NFAT5: variants seen among roughly 807,000 people sequenced by gnomAD.
NFAT5 encodes nuclear factor of activated T-cells 5.
A neutral mutation model predicts 166.5 loss-of-function variants in NFAT5; 31 were observed. That is an observed-to-expected ratio of 0.19 (90% CI 0.14 to 0.25). NFAT5 has a LOEUF of 0.25. Among genes scored for constraint, NFAT5 ranks in the 10% least tolerant of loss-of-function variants. The probability of loss-of-function intolerance (pLI) is 1.00; values close to 1 mark genes in which losing one functional copy is unlikely to be tolerated. For missense variants in NFAT5, 1,449 were observed against 1,821.8 expected, an observed-to-expected ratio of 0.80 and a Z score of 3.72; for synonymous variants, 612 against 639.7, an observed-to-expected ratio of 0.96 and a Z score of 0.65.
intron 2 of NFAT5, among the ~76,000 whole-genome samples, chr16:69,611,896 AT>A (rs2033719775): frequency 2.6e-5 from 4 of 152,164 alleles, no homozygotes; most frequent in Admixed American, 2.6e-4. Context: ...ATAAAGACAT[AT>A]TTTTGTCTGT....
At chr16:69,613,299 G>A (rs1432199077) in intron 2 of NFAT5, among the ~76,000 whole-genome samples, 2 of 152,064 alleles carry the variant, frequency 1.3e-5, no homozygotes, top group East Asian at 1.9e-4. Context: ...CTTACTCATC[G>A]CCATCTCTAG....
At chr16:69,623,628 C>T (rs556233131) in intron 2 of NFAT5, among the ~76,000 whole-genome samples, 2 of 151,918 alleles carry the variant, frequency 1.3e-5, no homozygotes, top group Admixed American at 6.6e-5. Context: ...CTGCCTCAGC[C>T]TCCCAAGTAG....
chr16:69,630,739 T>C (rs1001050157), intron 3 of NFAT5, among the ~76,000 whole-genome samples: 1 of 152,164 alleles, frequency 6.6e-6, no homozygotes, highest in African/African-American at 2.4e-5. Flanking sequence ...GATAATCCTA[T>C]AGTATAGTTA....
chr16:69,656,627 T>A (rs1020057574), intron 6 of NFAT5, among the ~76,000 whole-genome samples: 1 of 152,002 alleles, frequency 6.6e-6, no homozygotes, highest in African/African-American at 2.4e-5. Flanking sequence ...TAATTTTGTA[T>A]TTTTAGTAGA....
intron 7 of NFAT5, among the ~76,000 whole-genome samples, chr16:69,669,235 A>G (rs2036527914): frequency 6.6e-6 from 1 of 152,090 alleles, no homozygotes; most frequent in Non-Finnish European, 1.5e-5. Flanking sequence ...GCACTCAAAA[A>G]GTTTTGGATT....
chr16:69,688,309 A>AAATG (rs898237727), intron 11 of NFAT5, among the ~76,000 whole-genome samples: 164 of 151,762 alleles, frequency 1.1e-3, no homozygotes, highest in Non-Finnish European at 1.5e-3. Flanking sequence ...ATGAGTGAGT[A>AAATG]AATGAATGAA....
chr16:69,632,759 A>G (rs1473774979), intron 3 of NFAT5, among the ~76,000 whole-genome samples: 1 of 152,208 alleles, frequency 6.6e-6, no homozygotes, highest in African/African-American at 2.4e-5. Flanking sequence ...AAATTAAACC[A>G]GAAACCCACT....
intron 9 of NFAT5, chr16:69,676,968 G>C (rs986224626): frequency 2.4e-6 from 1 of 415,196 alleles, no homozygotes; most frequent in Non-Finnish European, 4.2e-6. Flanking sequence ...GGAATGAGAT[G>C]AAGTTGACAG....
intron 1 of NFAT5, among the ~76,000 whole-genome samples, chr16:69,568,078 C>T (rs1197378132): frequency 6.6e-6 from 1 of 152,138 alleles, no homozygotes; most frequent in African/African-American, 2.4e-5. Flanking sequence ...TGTGGGAGGC[C>T]GAGGCAGTTG....
Position 69,646,480 on chromosome 16 carries a change from CTCT to C in NFAT5, c.254-546_254-544del, listed in dbSNP as rs776608793. On this transcript the variant is annotated intron_variant, in intron 3 of 14. Transcript: ENST00000349945. ...AATTGATATCTGGAATAATCAGCAG[CTCT>C]TTTCTCATTTATTTTCTCATATTTT... The C allele has an allele frequency of 1.2e-5, 11 of 949,702 alleles. No individual in the cohort carries two copies. The South Asian group carries it at 1.6e-4, about 14-fold the overall frequency. 58.8% of individuals were successfully genotyped at this position (949,702 alleles called of 1,614,324 possible). A position where few individuals can be genotyped will look rare whatever the true frequency, so the allele number is the denominator to read the frequency against.
intron 2 of NFAT5, among the ~76,000 whole-genome samples, chr16:69,600,230 C>T (rs1364197855): frequency 6.7e-6 from 1 of 150,296 alleles, no homozygotes; most frequent in Non-Finnish European, 1.5e-5. Context: ...AGAAAATAAA[C>T]AGGAATTCCT....
chr16:69,596,468 C>T (rs2032795782), intron 2 of NFAT5, among the ~76,000 whole-genome samples: 1 of 152,014 alleles, frequency 6.6e-6, no homozygotes, highest in Non-Finnish European at 1.5e-5. Context: ...GCCTGTAATC[C>T]CAGCACTTTG....
At chr16:69,597,425 A>G (rs1438730225) in intron 2 of NFAT5, among the ~76,000 whole-genome samples, 1 of 152,098 alleles carries the variant, frequency 6.6e-6, no homozygotes, top group Non-Finnish European at 1.5e-5. Context: ...CATTATCCTA[A>G]AAGTTGAAAA....
chr16:69,697,158 G>A lies in NFAT5; in HGVS notation c.*807G>A, dbSNP rs1266633459. 1.3e-5 allele frequency: 2 copies of A among 152,544 alleles called. No homozygotes were observed. The highest frequency in any genetic ancestry group is 1.3e-4 in the Admixed American group (2 of 15,270). 9.4% of individuals were successfully genotyped at this position (152,544 alleles called of 1,614,324 possible). On this transcript the variant is annotated 3_prime_UTR_variant, in exon 15 of 15. Coordinates refer to ENST00000349945, the MANE Select transcript of NFAT5 (RefSeq NM_138713.4). Reference sequence around the variant, plus strand: ...TTTAAATTGACAGAAAAATTTGAATGTTTTCTTCTTAACCCAGTCTTAGGC... The same window carrying A: ...TTTAAATTGACAGAAAAATTTGAATATTTTCTTCTTAACCCAGTCTTAGGC...
intron 3 of NFAT5, among the ~76,000 whole-genome samples, chr16:69,634,874 C>T (rs922345721): frequency 2.0e-5 from 3 of 151,842 alleles, no homozygotes; most frequent in African/African-American, 7.3e-5. Context: ...ATAATATTAC[C>T]CTTGTAGTTA....
At chr16:69,605,862 C>T (rs1006737794) in intron 2 of NFAT5, among the ~76,000 whole-genome samples, 3 of 151,910 alleles carry the variant, frequency 2.0e-5, no homozygotes, top group African/African-American at 4.8e-5. Context: ...TACAGGCGCC[C>T]GCCACTGCAC....
intron 2 of NFAT5, among the ~76,000 whole-genome samples, chr16:69,619,312 C>G (rs1009309966): frequency 2.0e-5 from 3 of 152,178 alleles, no homozygotes; most frequent in East Asian, 1.9e-4. Flanking sequence ...AGGCTGTGCT[C>G]TATCCGTGTA....
intron 2 of NFAT5, among the ~76,000 whole-genome samples, chr16:69,606,538 A>C (rs1386411118): frequency 5.3e-5 from 8 of 152,114 alleles, no homozygotes; most frequent in Non-Finnish European, 1.2e-4. Flanking sequence ...AGTACTTACT[A>C]TAGGAAGTAC....
intron 3 of NFAT5, among the ~76,000 whole-genome samples, chr16:69,635,256 C>A (rs1265738384): frequency 6.6e-6 from 1 of 152,064 alleles, no homozygotes; most frequent in Admixed American, 6.6e-5. Flanking sequence ...GGTGATCCGC[C>A]CACCTCAGCC....
Sources: allele counts gnomAD v4.1 joint callset (sites outside exome capture counted in the v4.1 genomes callset), GRCh38; gene constraint gnomAD v4.1.1; transcripts MANE v1.5; gene names NCBI Gene and HGNC (gene_info 2026-07-23, HGNC 2026-07-21).